The following RPL3L variants were observed in gnomAD, a reference collection of about 807,000 sequenced individuals.
The protein encoded by RPL3L is ribosomal protein uL3-like.
RPL3L carries 44 observed loss-of-function variants against 44.5 expected under a neutral mutation model. The observed-to-expected ratio is 0.99, with a 90% CI of 0.78 to 1.27. The LOEUF (loss-of-function observed/expected upper bound fraction) is 1.27. Among genes scored for constraint, RPL3L ranks in the 50% most tolerant of loss-of-function variants. The pLI, the probability that RPL3L is intolerant of heterozygous loss-of-function variation, is 0.00. For missense variants in RPL3L, 631 were observed against 569.1 expected, an observed-to-expected ratio of 1.11 and a Z score of -1.11; for synonymous variants, 292 against 230.7, an observed-to-expected ratio of 1.27 and a Z score of -2.41.
chr16:1,948,627 C>T (rs1239412689), intron 4 of RPL3L, among the ~76,000 whole-genome samples: 2 of 151,872 alleles, frequency 1.3e-5, no homozygotes, highest in East Asian at 1.9e-4. Flanking sequence ...CTCAGCCTCC[C>T]GGGCCGAAGC....
At chr16:1,949,259 C>CTT (rs58248501) in intron 4 of RPL3L, among the ~76,000 whole-genome samples, 847 of 75,152 alleles carry the variant, frequency 0.011, 2 homozygotes, top group Middle Eastern at 0.018. Flanking sequence ...TTTTTTTTTT[C>CTT]TTTTTTTTTT....
chr16:1,948,380 T>C (rs1349665454), intron 4 of RPL3L, among the ~76,000 whole-genome samples: 1 of 151,878 alleles, frequency 6.6e-6, no homozygotes, highest in Non-Finnish European at 1.5e-5. Flanking sequence ...TGTGCCACCA[T>C]GCCCGGCTAA....
intron 4 of RPL3L, 95 bp downstream of exon 4, chr16:1,950,749 G>A: frequency 6.3e-7 from 1 of 1,591,176 alleles, no homozygotes. Context: ...CGAGGCTCGG[G>A]TATTTTTAGG....
In RPL3L at chr16:1,945,869, G is replaced by T. The variant is rs147948209; in HGVS notation, c.1013C>A (p.Ala338Asp). ...CGTAATGACCCGCTTCTTGGTACCAGCAATACAACCCTTCAGCATGACGAA... is the reference window on the plus strand; with the variant it reads ...CGTAATGACCCGCTTCTTGGTACCATCAATACAACCCTTCAGCATGACGAA... ...NDFVMLKGCI[A>D]GTKKRVITLR... Residue 338 changes from alanine to aspartate, a missense_variant, in exon 8 of 10, where the codon GCT (alanine) becomes GAT (aspartate). By Grantham distance (126) the Ala-to-Asp change is moderately radical (BLOSUM62 -2). Transcript: ENST00000268661. The T allele has an allele frequency of 1.2e-6, 2 of 1,613,876 alleles. No homozygotes were observed. The highest frequency in any genetic ancestry group is 4.5e-5 in the East Asian group (2 of 44,890).
intron 1 of RPL3L, 43 bp from the exon 2 acceptor site, chr16:1,954,191 G>A (rs1269184204): frequency 1.3e-5 from 19 of 1,494,864 alleles, no homozygotes; most frequent in Non-Finnish European, 1.7e-5. Flanking sequence ...GGGTGTCCCT[G>A]GTGGTAGAGC....
chr16:1,951,043 GC>G, intron 3 of RPL3L, 64 bp from the exon 4 acceptor site: 1 of 1,573,268 alleles, frequency 6.4e-7, no homozygotes, highest in Non-Finnish European at 8.6e-7. Context: ...GGCCTATCCT[GC>G]CCCCACCTCA....
At chr16:1,947,406 C>A in intron 4 of RPL3L, 26 bp from the exon 5 acceptor site, 1 of 1,517,632 alleles carries the variant, frequency 6.6e-7, no homozygotes, top group South Asian at 1.3e-5. Flanking sequence ...GGAGGTCACG[C>A]CACGGCCCAC....
Position 1,954,075 on chromosome 16 carries a change from C to G in RPL3L, c.77G>C (p.Arg26Pro). The G allele has an allele frequency of 6.2e-7, 1 of 1,604,418 alleles. No individual in the cohort carries two copies. Among genetic ancestry groups the G allele is most frequent in the Non-Finnish European group, 8.5e-7 (1 of 1,176,414 alleles). Residue 26 changes from arginine to proline, a missense_variant, in exon 2 of 10, where the codon CGG becomes CCG. Physicochemically the swap from Arg to Pro is moderately radical, Grantham distance 103 (BLOSUM62 -2). Transcript: ENST00000268661. ...CCGCGGCCACGTCTTCACCTTGCCC[C>G]GGTGCCGGTGGCTCCTCTTATGGGG... ...FLPHKRSHRH[R>P]GKVKTWPRDD... is the part of the protein sequence containing the mutation.
rs2083150126 is a variant in RPL3L, at chr16:1,949,244, GTTTTTTTTTTTTTTCTTTTT to G, written c.501+1580_501+1599del. Reference sequence around the variant, plus strand: ...GTGTAAGCCACTGGGCCTGATTTTTGTTTTTTTTTTTTTTCTTTTTTTTTTTTTTTTTTTTTTGAGACTCT... The same window carrying G: ...GTGTAAGCCACTGGGCCTGATTTTTGTTTTTTTTTTTTTTTTTGAGACTCT... On this transcript the variant is annotated intron_variant, in intron 4 of 9. Coordinates refer to ENST00000268661, the MANE Select transcript of RPL3L (RefSeq NM_005061.3). 8.5e-5 allele frequency among the ~76,000 whole-genome samples: 7 copies of G among 81,964 alleles called. No homozygotes were observed. In the South Asian group the frequency reaches 2.2e-3, roughly 26 times the overall value. 53.8% of individuals were successfully genotyped at this position (81,964 alleles called of 152,430 possible).
At chr16:1,945,466 A>C (rs1320855538) in intron 9 of RPL3L, 33 bp downstream of exon 9, 1 of 1,587,386 alleles carries the variant, frequency 6.3e-7, no homozygotes, top group East Asian at 2.3e-5. Flanking sequence ...CTGGAGCCCC[A>C]GAGAAGAACA....
Position 1,947,032 on chromosome 16 carries a change from G to A in RPL3L, c.755C>T (p.Ala252Val), listed in dbSNP as rs2083127409. 6.2e-7 allele frequency: 1 copy of A among 1,612,866 alleles called. No homozygotes were observed. The highest frequency in any genetic ancestry group is 8.5e-7 in the Non-Finnish European group (1 of 1,179,862). ...RKTHKGLRKVACIGAWHPARV... is the reference protein window; with the variant it reads ...RKTHKGLRKVVCIGAWHPARV... ...GGCGGGGTGCCAGGCGCCAATGCAG[G>A]CCACCTTGCGCAGGCCCTTATGGGT... is the stretch of plus-strand genomic sequence containing the variant. Residue 252 changes from alanine (A) to valine (V), a missense_variant, in exon 6 of 10, where the codon GCC (alanine) becomes GTC (valine). Ala to Val is a moderately conservative substitution (Grantham distance 64). Transcript: ENST00000268661.
rs747846002 is a variant in RPL3L at position 1,950,858 on chromosome 16, T to A, written c.487A>T (p.Ile163Phe). ...MKKYCKVIRV[I>F]VHTQMKLLPF... Reference sequence around the variant, plus strand: ...CGGGGGCTGACCTGAGTGTGGACAATGACCCGAATGACCTTGCAGTACTTC... The same window carrying A: ...CGGGGGCTGACCTGAGTGTGGACAAAGACCCGAATGACCTTGCAGTACTTC... Residue 163 changes from isoleucine (I) to phenylalanine (F), a missense_variant, in exon 4 of 10, where the codon ATT (isoleucine) becomes TTT (phenylalanine). Ile to Phe is a conservative substitution (Grantham distance 21). Coordinates refer to ENST00000268661, the MANE Select transcript of RPL3L (RefSeq NM_005061.3). 1 of 1,613,934 alleles carries A rather than the reference T, an allele frequency of 6.2e-7. No individual in the cohort carries two copies. The highest frequency in any genetic ancestry group is 8.5e-7 in the Non-Finnish European group (1 of 1,179,952).
chr16:1,954,249 G>A (rs2083191849), intron 1 of RPL3L, 101 bp from the exon 2 acceptor site: 1 of 1,246,552 alleles, frequency 8.0e-7, no homozygotes. Context: ...ACAGGCTTCA[G>A]ACTGAGGCCT....
chr16:1,947,523 T>C, intron 4 of RPL3L, 143 bp from the exon 5 acceptor site: 1 of 1,039,158 alleles, frequency 9.6e-7, no homozygotes, highest in Non-Finnish European at 1.4e-6. Flanking sequence ...GCAACCCATG[T>C]GTTGTGCTAG....
chr16:1,945,934 C>T lies in RPL3L; in HGVS notation c.952-4G>A, dbSNP rs2083118038. On this transcript the variant is annotated splice_polypyrimidine_tract_variant and splice_region_variant and intron_variant, in intron 7 of 9. Transcript: ENST00000268661. ...CCCCGTAGTGGGGGAAGCCACCCTG[C>T]AGAGGACACAGGTCAGAGGCCAGGC... is the stretch of plus-strand genomic sequence containing the variant. 2 of 1,607,114 alleles carry T rather than the reference C, an allele frequency of 1.2e-6. No individual in the cohort carries two copies. The highest frequency in any genetic ancestry group is 1.7e-6 in the Non-Finnish European group (2 of 1,176,628).
chr16:1,954,380 G>A (rs1481534619), intron 1 of RPL3L, among the ~76,000 whole-genome samples: 1 of 152,094 alleles, frequency 6.6e-6, no homozygotes, highest in Non-Finnish European at 1.5e-5. Flanking sequence ...TCAGCCTGGG[G>A]CCCAGGAGGG....
intron 8 of RPL3L, 56 bp from the exon 9 acceptor site, chr16:1,945,674 G>A: frequency 6.2e-7 from 1 of 1,610,636 alleles, no homozygotes; most frequent in East Asian, 2.2e-5. Context: ...ACACCCTGCT[G>A]TGAACCTCCA....
chr16:1,952,818 C>T lies in RPL3L; in HGVS notation c.365+56G>A, dbSNP rs1164993665. ...TCAGCAAGAGCTAGAGCCTCAGGCA[C>T]CCAACTTCTGTGGTCCCAGCAGCCC... On this transcript the variant is annotated intron_variant, in intron 3 of 9. Transcript: ENST00000268661. The T allele has an allele frequency of 3.8e-6, 6 of 1,598,000 alleles. No individual in the cohort carries two copies. The African/African-American group carries it at 4.0e-5, about 11-fold the overall frequency.
chr16:1,944,584 A>G lies in RPL3L; in HGVS notation c.*253T>C, dbSNP rs901305810. ...AAAAACCTCTGCTCCGCAAATGCTC[A>G]AAGAGATCGATTTGAGTAATAATAA... On this transcript the variant is annotated 3_prime_UTR_variant, in exon 10 of 10. Transcript: ENST00000268661. 1 of 439,722 alleles carries G rather than the reference A, an allele frequency of 2.3e-6. No homozygotes were observed. The highest frequency in any genetic ancestry group is 4.1e-6 in the Non-Finnish European group (1 of 242,156). The allele number at this position is 439,722 out of a possible 1,614,324, so 27.2% of individuals were successfully genotyped here. A position where few individuals can be genotyped will look rare whatever the true frequency, so the allele number is the denominator to read the frequency against.
Sources: allele counts gnomAD v4.1 joint callset (sites outside exome capture counted in the v4.1 genomes callset), GRCh38; gene constraint gnomAD v4.1.1; transcripts MANE v1.5; gene names NCBI Gene and HGNC (gene_info 2026-07-23, HGNC 2026-07-21).